Variants in PCNX2 observed in about 807,000 individuals in gnomAD.
PCNX2 encodes pecanex-like protein 2.
PCNX2 carries 168 observed loss-of-function variants against 223.8 expected under a neutral mutation model. That is an observed-to-expected ratio of 0.75 (90% confidence interval 0.66 to 0.85). PCNX2 has a LOEUF of 0.85. Ranked by LOEUF, PCNX2 falls within the 40% of genes least tolerant of loss-of-function variation. The probability of loss-of-function intolerance (pLI) is 0.00; values close to 1 mark genes in which losing one functional copy is unlikely to be tolerated. For synonymous variants in PCNX2, 1,006 were observed against 1,052.6 expected (o/e 0.96, Z 0.86); for missense variants, 2,507 against 2,675.5 (o/e 0.94, Z 1.39).
chr1:233,286,704 T>C (rs917263081), intron 1 of PCNX2, among the ~76,000 whole-genome samples: 2 of 150,578 alleles, frequency 1.3e-5, no homozygotes, highest in Non-Finnish European at 3.0e-5. Context: ...TCTCTGAGGG[T>C]GTGGAAAGGC....
At position 233,295,633 on chromosome 1, in the gene PCNX2, T is replaced by G. The variant is rs1219523293; in HGVS notation, c.-155A>C. ...CCGCCGCCTCCTTCCACCCCACGTTTGAAGCTGGAGCTGCTCTTCCGCCCG... is the reference window on the plus strand; with the variant it reads ...CCGCCGCCTCCTTCCACCCCACGTTGGAAGCTGGAGCTGCTCTTCCGCCCG... On this transcript the variant is annotated 5_prime_UTR_variant, in exon 1 of 34. Transcript: ENST00000258229. The surrounding 1 kb of genome is among the most constrained non-coding windows in gnomAD (Gnocchi z 4.1). 2.4e-6 allele frequency: 2 copies of G among 821,916 alleles called. No individual in the cohort carries two copies. Among genetic ancestry groups the G allele is most frequent in the Non-Finnish European group, 3.3e-6 (2 of 608,736 alleles). The allele number at this position is 821,916 out of a possible 1,614,324, so 50.9% of individuals were successfully genotyped here. A position where few individuals can be genotyped will look rare whatever the true frequency, so the allele number is the denominator to read the frequency against.
At chr1:233,220,140 T>A (rs1357496368) in intron 10 of PCNX2, among the ~76,000 whole-genome samples, 2 of 152,236 alleles carry the variant, frequency 1.3e-5, no homozygotes, top group East Asian at 1.9e-4. Context: ...TCTTATAGCA[T>A]CTCATTGTAT....
chr1:233,008,300 A>G (rs1392623532), intron 28 of PCNX2, among the ~76,000 whole-genome samples: 3 of 152,176 alleles, frequency 2.0e-5, no homozygotes, highest in Non-Finnish European at 2.9e-5. Context: ...ATGTCCCCCA[A>G]ATAGCTCCAA....
chr1:233,000,418 C>T lies in PCNX2; in HGVS notation c.5215G>A (p.Val1739Met), dbSNP rs1670041553. 1.2e-6 allele frequency: 2 copies of T among 1,606,466 alleles called. No homozygotes were observed. Among genetic ancestry groups the T allele is most frequent in the Non-Finnish European group, 1.7e-6 (2 of 1,175,170 alleles). ...AGCAGCTCTTCCTTGTTGGACAGCA[C>T]TGCGCCCCGCCAGGCCGGGTCGCCC... ...HEGDPAWRGA[V>M]LSNKEELLTL... Residue 1739 changes from valine (V) to methionine (M), a missense_variant, in exon 30 of 34, where the codon GTG becomes ATG. By Grantham distance (21) the Val-to-Met change is conservative (BLOSUM62 1). This residue lies in a region of PCNX2 where 1,372 missense variants were observed against 1,509.4 expected (regional missense o/e 0.91). Transcript: ENST00000258229. This position sits in a 1 kb window ranked among gnomAD's most constrained non-coding sequence, Gnocchi z 4.6.
At chr1:233,058,182 T>C (rs1672260637) in intron 23 of PCNX2, 1 of 455,786 alleles carries the variant, frequency 2.2e-6, no homozygotes, top group South Asian at 9.3e-5. Flanking sequence ...CCCTGGCTTC[T>C]GAGAGTTAGC....
At chr1:233,017,960 G>A (rs967525847) in intron 26 of PCNX2, among the ~76,000 whole-genome samples, 1 of 152,188 alleles carries the variant, frequency 6.6e-6, no homozygotes, top group Non-Finnish European at 1.5e-5. Context: ...GGGTAGACCT[G>A]CCTCCAGAGA....
At chr1:233,290,913 T>C (rs1661723159) in intron 1 of PCNX2, 1 of 985,236 alleles carries the variant, frequency 1.0e-6, no homozygotes, top group Admixed American at 6.1e-5. Context: ...CCTGGAAAAT[T>C]AAGTCTAATG....
rs1415895909 is a variant in PCNX2, at chr1:233,054,474, T to C, written c.4145A>G (p.Asp1382Gly). ...VQIERDPGND[D>G]NNLNSIFYEH... Reference sequence around the variant, plus strand: ...ATAAAAAATGGAATTGAGATTGTTGTCATCATTCCCTAAAGGCAGACAAGA... The same window carrying C: ...ATAAAAAATGGAATTGAGATTGTTGCCATCATTCCCTAAAGGCAGACAAGA... The change falls in exon 25 of 34, where the codon GAC becomes GGC. Residue 1382 changes from aspartate to glycine, a missense_variant. Transcript: ENST00000258229. 1 of 1,612,232 alleles carries C rather than the reference T, an allele frequency of 6.2e-7. No homozygotes were observed. Among genetic ancestry groups the C allele is most frequent in the East Asian group, 2.2e-5 (1 of 44,848 alleles).
chr1:233,262,248 T>A (rs1397807102), intron 2 of PCNX2, 83 bp from the exon 3 acceptor site: 2 of 1,539,548 alleles, frequency 1.3e-6, no homozygotes, highest in African/African-American at 2.8e-5. Flanking sequence ...TCTAAAAACT[T>A]TTTTTCCTAG....
intron 15 of PCNX2, among the ~76,000 whole-genome samples, chr1:233,188,443 T>C (rs1429199964): frequency 1.3e-5 from 2 of 152,178 alleles, no homozygotes; most frequent in Non-Finnish European, 2.9e-5. Context: ...CCCTGCCCTC[T>C]GGACCCCCTT....
At chr1:233,313,569 G>C in the PCNX2 span, among the ~76,000 whole-genome samples, 7 of 151,772 alleles carry the variant, frequency 4.6e-5, no homozygotes, top group African/African-American at 1.5e-4. Flanking sequence ...AAGCAAGCAA[G>C]ACAGAAAAAG....
intron 26 of PCNX2, among the ~76,000 whole-genome samples, chr1:233,020,179 G>A (rs1389632518): frequency 6.6e-6 from 1 of 152,186 alleles, no homozygotes; most frequent in Non-Finnish European, 1.5e-5. Flanking sequence ...TCTCCGTCTG[G>A]CAAAACGCTG....
intron 1 of PCNX2, among the ~76,000 whole-genome samples, chr1:233,263,408 C>A (rs952957103): frequency 6.6e-6 from 1 of 150,824 alleles, no homozygotes; most frequent in East Asian, 1.9e-4. Context: ...GATTTGCAGG[C>A]AGGAACCCCA....
At chr1:233,014,333 G>A (rs1385845797) in intron 28 of PCNX2, among the ~76,000 whole-genome samples, 1 of 152,144 alleles carries the variant, frequency 6.6e-6, no homozygotes, top group Admixed American at 6.5e-5. Context: ...CAGCAACTCT[G>A]TTAGGTACTG....
intron 23 of PCNX2, chr1:233,089,784 C>T (rs1177596142): frequency 1.4e-5 from 13 of 959,538 alleles, no homozygotes; most frequent in Middle Eastern, 4.1e-4. Context: ...AGGTCACCTA[C>T]GAAAATTTGG....
At chr1:233,218,738 C>A (rs529125570) in intron 10 of PCNX2, among the ~76,000 whole-genome samples, 2 of 152,178 alleles carry the variant, frequency 1.3e-5, no homozygotes, top group East Asian at 3.9e-4. Flanking sequence ...CAAATAAAAT[C>A]TCATCCCATT....
chr1:233,072,346 C>T (rs1672893835), intron 23 of PCNX2, among the ~76,000 whole-genome samples: 1 of 152,190 alleles, frequency 6.6e-6, no homozygotes. Context: ...GGTCCAGTTT[C>T]AATTTCTGCA....
At chr1:233,173,783 C>A (rs1018662000) in intron 17 of PCNX2, among the ~76,000 whole-genome samples, 3 of 152,066 alleles carry the variant, frequency 2.0e-5, no homozygotes, top group Admixed American at 6.5e-5. Context: ...TGTTAGAAAT[C>A]ATTTCCATTA....
At chr1:233,241,400 C>T in intron 8 of PCNX2, 1 of 982,920 alleles carries the variant, frequency 1.0e-6, no homozygotes, top group Non-Finnish European at 1.2e-6. Context: ...ACCTTTCGTC[C>T]TTATGCCTCT....
Sources: gnomAD v4.1 joint callset for allele counts (sites outside exome capture counted in the v4.1 genomes callset) on GRCh38, gnomAD v4.1.1 for gene constraint, gnomAD v4.1.1 regional missense constraint, Gnocchi (gnomAD v3.1) non-coding constraint, MANE v1.5 for transcripts, NCBI Gene and HGNC (gene_info 2026-07-23, HGNC 2026-07-21) for gene names.